The following BST1 variants were observed in gnomAD, a reference collection of about 807,000 sequenced individuals.
BST1 encodes bone marrow stromal cell antigen 1.
BST1 carries 49 observed loss-of-function variants against 40.6 expected under a neutral mutation model. That is an observed-to-expected ratio of 1.21 (90% CI 0.96 to 1.53). The LOEUF is 1.53. Ranked by LOEUF, BST1 falls within the 40% of genes most tolerant of loss-of-function variation. BST1 has a pLI of 0.00. For missense variants in BST1, 423 were observed against 395.9 expected, an observed-to-expected ratio of 1.07 and a Z score of -0.58; for synonymous variants, 157 against 159.3, an observed-to-expected ratio of 0.99 and a Z score of 0.11.
At chr4:15,728,387 A>C (rs1211890460) in intron 8 of BST1, among the ~76,000 whole-genome samples, 1 of 151,958 alleles carries the variant, frequency 6.6e-6, no homozygotes, top group East Asian at 1.9e-4. Context: ...ATATAAGAAC[A>C]GCTGTTGGAT....
At chr4:15,735,102 G>C (rs988019813), downstream of BST1, among the ~76,000 whole-genome samples, 13 of 152,038 alleles carry the variant, frequency 8.6e-5, no homozygotes, top group African/African-American at 2.9e-4. Context: ...CCCTCCTCAG[G>C]GTCTTTGAAC....
the BST1 span, among the ~76,000 whole-genome samples, chr4:15,755,427 G>A: frequency 1.1e-4 from 16 of 152,262 alleles, no homozygotes; most frequent in African/African-American, 3.6e-4. Flanking sequence ...ATGAGCCACC[G>A]TGCCTGGCGC....
At chr4:15,741,449 C>G (rs1721740085), downstream of BST1, among the ~76,000 whole-genome samples, 6 of 152,180 alleles carry the variant, frequency 3.9e-5, no homozygotes, top group Admixed American at 3.9e-4. Flanking sequence ...TTCACATCCT[C>G]AATAACCTTC....
At chr4:15,755,898 G>T in the BST1 span, among the ~76,000 whole-genome samples, 6 of 152,246 alleles carry the variant, frequency 3.9e-5, no homozygotes, top group South Asian at 8.3e-4. Context: ...ATAGTCCAAA[G>T]CTTCCAGGGA....
chr4:15,766,113 G>A, the BST1 span, among the ~76,000 whole-genome samples: 6 of 151,942 alleles, frequency 3.9e-5, no homozygotes, highest in East Asian at 1.9e-4. Context: ...CACTGAGGAC[G>A]TACCTGAGAC....
chr4:15,714,722 G>T (rs557196986), intron 4 of BST1, among the ~76,000 whole-genome samples: 1 of 152,150 alleles, frequency 6.6e-6, no homozygotes, highest in Non-Finnish European at 1.5e-5. Context: ...CTGAGCCCAC[G>T]GTTTGCACTC....
At chr4:15,726,112 C>A (rs1310284129) in intron 8 of BST1, among the ~76,000 whole-genome samples, 1 of 150,832 alleles carries the variant, frequency 6.6e-6, no homozygotes, top group Admixed American at 6.6e-5. Context: ...CAGGCACTTA[C>A]CACTACGCCA....
intron 7 of BST1, among the ~76,000 whole-genome samples, chr4:15,720,269 CCT>C (rs1720738234): frequency 6.6e-6 from 1 of 152,158 alleles, no homozygotes; most frequent in Non-Finnish European, 1.5e-5. Context: ...CTCTTTCCCT[CCT>C]GCTACCAAGC....
intron 8 of BST1, among the ~76,000 whole-genome samples, chr4:15,726,781 G>A (rs997744107): frequency 6.6e-6 from 1 of 151,882 alleles, no homozygotes; most frequent in Non-Finnish European, 1.5e-5. Flanking sequence ...GGCAAATGGT[G>A]CCATCCTAGC....
chr4:15,773,076 C>T, the BST1 span, among the ~76,000 whole-genome samples: 1 of 152,138 alleles, frequency 6.6e-6, no homozygotes. Flanking sequence ...TGGAGGAAGG[C>T]GGAAAGAGTG....
chr4:15,760,075 C>G, the BST1 span, among the ~76,000 whole-genome samples: 1 of 151,998 alleles, frequency 6.6e-6, no homozygotes, highest in Non-Finnish European at 1.5e-5. Flanking sequence ...TCCTATTGGG[C>G]TGTCACTCCT....
chr4:15,756,856 G>T, the BST1 span, among the ~76,000 whole-genome samples: 42 of 152,190 alleles, frequency 2.8e-4, no homozygotes, highest in Non-Finnish European at 5.1e-4. Context: ...TACTGTGGGA[G>T]ACAAGATGTG....
At chr4:15,744,712 G>A in the BST1 span, among the ~76,000 whole-genome samples, 1 of 152,166 alleles carries the variant, frequency 6.6e-6, no homozygotes, top group African/African-American at 2.4e-5. Context: ...GCTGGAGCTG[G>A]CCTATACCCA....
chr4:15,728,449 CTTTTTTTTTT>C (rs974237825), intron 8 of BST1, among the ~76,000 whole-genome samples: 2 of 119,598 alleles, frequency 1.7e-5, no homozygotes, highest in African/African-American at 6.3e-5. Flanking sequence ...AATTCTTTTT[CTTTTTTTTTT>C]TTTTTTTTTG....
At chr4:15,744,759 G>A in the BST1 span, among the ~76,000 whole-genome samples, 1 of 152,136 alleles carries the variant, frequency 6.6e-6, no homozygotes. Flanking sequence ...CATGAATTTT[G>A]TTGCAAGCCA....
chr4:15,743,740 C>G, the BST1 span, among the ~76,000 whole-genome samples: 2 of 152,186 alleles, frequency 1.3e-5, no homozygotes, highest in African/African-American at 4.8e-5. Context: ...TATCCCAACT[C>G]TGAGATTTTT....
intron 7 of BST1, among the ~76,000 whole-genome samples, chr4:15,719,988 AT>A (rs1217553366): frequency 6.6e-6 from 1 of 152,220 alleles, no homozygotes; most frequent in East Asian, 1.9e-4. Context: ...TTCTGGAAAT[AT>A]AATCTATGTA....
chr4:15,739,921 CAGAG>C (rs1374968195), downstream of BST1, among the ~76,000 whole-genome samples: 4 of 151,268 alleles, frequency 2.6e-5, no homozygotes, highest in African/African-American at 9.7e-5. Flanking sequence ...GAGACATTGA[CAGAG>C]AGAGAGACAG....
intron 6 of BST1, among the ~76,000 whole-genome samples, chr4:15,717,145 G>A (rs904863004): frequency 2.0e-5 from 3 of 152,094 alleles, no homozygotes; most frequent in Admixed American, 2.0e-4. Flanking sequence ...CCTAGATGTC[G>A]TTGCTTACTA....
Sources: gnomAD v4.1 joint callset for allele counts (sites outside exome capture counted in the v4.1 genomes callset) on GRCh38, gnomAD v4.1.1 for gene constraint, MANE v1.5 for transcripts, NCBI Gene and HGNC (gene_info 2026-07-23, HGNC 2026-07-21) for gene names.